The following COX6B1 variants were observed in gnomAD, a reference collection of about 807,000 sequenced individuals.
COX6B1 encodes cytochrome c oxidase subunit 6B1.
In COX6B1, 2 loss-of-function variants were observed where a neutral mutation model predicts 14.0. That is an observed-to-expected ratio of 0.14 (90% CI 0.06 to 0.45). The LOEUF is 0.45. Ranked by LOEUF, COX6B1 falls within the 20% of genes least tolerant of loss-of-function variation. COX6B1 has a pLI of 0.98. For missense variants in COX6B1, 81 were observed against 114.2 expected (o/e 0.71, Z 1.33); for synonymous variants, 30 against 39.7 (o/e 0.76, Z 0.92).
chr19:35,651,874 A>AT (rs1216854155), intron 2 of COX6B1, among the ~76,000 whole-genome samples: 4 of 148,618 alleles, frequency 2.7e-5, no homozygotes, highest in African/African-American at 5.0e-5. Flanking sequence ...CCCTACAATG[A>AT]TTTTTTTTTA....
At chr19:35,648,931 CT>C (rs1967791251) in intron 1 of COX6B1, 1 of 533,322 alleles carries the variant, frequency 1.9e-6, no homozygotes, top group African/African-American at 1.9e-5. Context: ...CCTACTGCGT[CT>C]GTGCCCCAGC....
intron 2 of COX6B1, among the ~76,000 whole-genome samples, chr19:35,652,494 C>T (rs1032300469): frequency 6.6e-6 from 1 of 151,976 alleles, no homozygotes; most frequent in Non-Finnish European, 1.5e-5. Flanking sequence ...TGCAATGTCA[C>T]GATCTCGGCT....
intron 2 of COX6B1, 117 bp downstream of exon 2, chr19:35,651,466 GCCC>G: frequency 1.3e-6 from 1 of 777,860 alleles, no homozygotes; most frequent in Non-Finnish European, 2.2e-6. Context: ...ACTCTGGAAG[GCCC>G]ATGCCTCTCA....
chr19:35,658,463 A>G, intron 3 of COX6B1, 131 bp from the exon 4 acceptor site: 1 of 753,180 alleles, frequency 1.3e-6, no homozygotes, highest in Non-Finnish European at 2.4e-6. Context: ...CCCGGCCTCT[A>G]GAATAGAGGT....
intron 3 of COX6B1, among the ~76,000 whole-genome samples, chr19:35,655,843 C>G (rs1967883788): frequency 1.3e-5 from 2 of 151,712 alleles, no homozygotes; most frequent in Non-Finnish European, 2.9e-5. Context: ...CTCTTTCTCA[C>G]TCTTTCTCTC....
At chr19:35,649,388 T>C (rs1021531030) in intron 1 of COX6B1, among the ~76,000 whole-genome samples, 1 of 152,020 alleles carries the variant, frequency 6.6e-6, no homozygotes, top group African/African-American at 2.4e-5. Context: ...GGAGAAATCT[T>C]GGCTCACTGC....
In COX6B1 at chr19:35,654,558, C is replaced by T. The variant is rs1318220704; in HGVS notation, c.107-13C>T. On this transcript the variant is annotated splice_polypyrimidine_tract_variant and intron_variant, in intron 2 of 3. Transcript: ENST00000649813. ...CTCTTGATCTGGGCTGACTTGAACC[C>T]CTTTCTTCACAGACTTCCACCGCTG... 1 of 1,612,982 alleles carries T rather than the reference C, an allele frequency of 6.2e-7. No homozygotes were observed. Among genetic ancestry groups the T allele is most frequent in the Admixed American group, 1.7e-5 (1 of 59,992 alleles).
At chr19:35,648,589 TC>T (rs1309432845) in intron 1 of COX6B1, 186 bp downstream of exon 1, 1 of 338,374 alleles carries the variant, frequency 3.0e-6, no homozygotes, top group Non-Finnish European at 5.9e-6. Context: ...CCAGGCAACA[TC>T]CCAAACAACT....
intron 3 of COX6B1, among the ~76,000 whole-genome samples, chr19:35,656,294 G>T (rs575567783): frequency 6.6e-6 from 1 of 152,146 alleles, no homozygotes; most frequent in African/African-American, 2.4e-5. Context: ...TCTTTATGGA[G>T]ACTATGGTGA....
chr19:35,657,998 T>C (rs1967906306), intron 3 of COX6B1, among the ~76,000 whole-genome samples: 1 of 151,934 alleles, frequency 6.6e-6, no homozygotes. Flanking sequence ...TGCCGTGTTG[T>C]CCAGGTTGGT....
At chr19:35,648,618 C>T (rs1425909490) in intron 1 of COX6B1, 4 of 344,728 alleles carry the variant, frequency 1.2e-5, no homozygotes, top group African/African-American at 2.2e-5. Context: ...ATTTATTTAA[C>T]TCTCCCACCA....
In COX6B1 at chr19:35,650,709, GA is replaced by G. The variant is rs11426803; in HGVS notation, c.-11-513del. ...AGAGCAAGACTCTGTCTTAAAAAAA[GA>G]AAAAAAAAAACATTCAGCGAGAGGT... On this transcript the variant is annotated intron_variant, in intron 1 of 3. Transcript: ENST00000649813. Among the ~76,000 whole-genome samples the G allele has an allele frequency of 4.8e-3, 695 of 145,090 alleles. 7 individuals are homozygous for G. The highest frequency in any genetic ancestry group is 0.025 in the Middle Eastern group (7 of 276).
At chr19:35,651,531 G>T (rs1967824869) in intron 2 of COX6B1, among the ~76,000 whole-genome samples, 182 bp downstream of exon 2, 1 of 151,930 alleles carries the variant, frequency 6.6e-6, no homozygotes, top group Non-Finnish European at 1.5e-5. Context: ...TTCCTGCAAT[G>T]ATTTTTTTTT....
intron 1 of COX6B1, chr19:35,648,643 G>A: frequency 5.7e-6 from 2 of 353,462 alleles, no homozygotes; most frequent in South Asian, 2.1e-5. Context: ...TATGAGATAG[G>A]GCCTGCGATT....
intron 3 of COX6B1, among the ~76,000 whole-genome samples, chr19:35,655,093 G>A (rs889065597): frequency 2.7e-5 from 4 of 149,406 alleles, no homozygotes; most frequent in Admixed American, 6.8e-5. Context: ...GCAGTGGCGC[G>A]ATCTTGCCTC....
chr19:35,655,755 G>GTCTC (rs3038413), intron 3 of COX6B1, among the ~76,000 whole-genome samples: 4,411 of 146,030 alleles, frequency 0.03, 115 homozygotes, highest in Middle Eastern at 0.069. Context: ...CACTGTGCCT[G>GTCTC]TCTCTCTCTC....
Position 35,652,965 on chromosome 19 carries a change from A to ATT in COX6B1, c.107-1586_107-1585dup, listed in dbSNP as rs1330598420. On this transcript the variant is annotated intron_variant, in intron 2 of 3. Coordinates refer to ENST00000649813, the MANE Select transcript of COX6B1 (RefSeq NM_001863.5). ...AGGCGCTCGCCACCACACCCAGCTAATTTTTTTTTTTTTTTTTTTTTGAGA... is the reference window on the plus strand; with the variant it reads ...AGGCGCTCGCCACCACACCCAGCTAATTTTTTTTTTTTTTTTTTTTTTTGAGA... Among the ~76,000 whole-genome samples, 80 of 121,736 alleles carry ATT rather than the reference A, an allele frequency of 6.6e-4. 2 individuals carry two copies. Among genetic ancestry groups the ATT allele is most frequent in the Admixed American group, 1.7e-3 (20 of 11,542 alleles). The allele number at this position is 121,736 out of a possible 152,430, so 79.9% of individuals were successfully genotyped here. A position where few individuals can be genotyped will look rare whatever the true frequency, so the allele number is the denominator to read the frequency against.
intron 3 of COX6B1, 108 bp downstream of exon 3, chr19:35,654,779 G>GCACCACACTGTCCCAGGA: frequency 6.5e-6 from 6 of 916,096 alleles, no homozygotes; most frequent in Admixed American, 2.1e-5. Context: ...GGAGGACAGG[G>GCACCACACTGTCCCAGGA]CACCACACTG....
At chr19:35,655,681 A>G (rs968106951) in intron 3 of COX6B1, among the ~76,000 whole-genome samples, 1 of 150,428 alleles carries the variant, frequency 6.6e-6, no homozygotes, top group African/African-American at 2.4e-5. Context: ...CTAGACTCGA[A>G]CTCCTGGGCT....
Sources: allele counts gnomAD v4.1 joint callset (sites outside exome capture counted in the v4.1 genomes callset), GRCh38; gene constraint gnomAD v4.1.1; transcripts MANE v1.5; gene names NCBI Gene and HGNC (gene_info 2026-07-23, HGNC 2026-07-21).